The following COL11A1 variants were observed in gnomAD, a reference collection of about 807,000 sequenced individuals.
The protein encoded by COL11A1 is collagen type XI alpha 1 chain, also known as collagen alpha-1(XI) chain.
In COL11A1, 74 loss-of-function variants were observed where a neutral mutation model predicts 265.2. The ratio of observed to expected loss-of-function variants is 0.28; its 90% CI spans 0.23 to 0.34. The LOEUF is 0.34. Ranked by LOEUF, COL11A1 falls within the 10% of genes least tolerant of loss-of-function variation. The pLI is 1.00. For missense variants in COL11A1, 2,165 were observed against 2,263.6 expected (o/e 0.96, Z 0.88); for synonymous variants, 816 against 727.6 (o/e 1.12, Z -1.96).
At chr1:102,969,702 T>C (rs1215947119) in intron 37 of COL11A1, among the ~76,000 whole-genome samples, 1 of 152,346 alleles carries the variant, frequency 6.6e-6, no homozygotes, top group East Asian at 1.9e-4. Flanking sequence ...TGATTTACTT[T>C]TTCCTATTTC....
Position 102,912,211 on chromosome 1 carries a change from C to A in COL11A1, c.4034G>T (p.Gly1345Val). Reference sequence around the variant, plus strand: ...AGCCTCACCAGATGGGCCAGGAGGACCCTATAAAATGTGAAAAAATACCTT... The same window carrying A: ...AGCCTCACCAGATGGGCCAGGAGGAACCTATAAAATGTGAAAAAATACCTT... ...KGEDGDPGQP[G>V]PPGPSGEAGP... Residue 1345 changes from glycine to valine, a missense_variant and splice_region_variant, in exon 54 of 67, where the codon GGT becomes GTT. Gly to Val is a moderately radical substitution (Grantham distance 109). Coordinates refer to ENST00000370096, the MANE Select transcript of COL11A1 (RefSeq NM_001854.4). 1 of 1,607,886 alleles carries A rather than the reference C, an allele frequency of 6.2e-7. No homozygotes were observed. The highest frequency in any genetic ancestry group is 8.5e-7 in the Non-Finnish European group (1 of 1,177,684).
chr1:102,914,318 C>T lies in COL11A1; in HGVS notation c.3978+34G>A, dbSNP rs182988077. The T allele has an allele frequency of 1.7e-4, 261 of 1,539,064 alleles. 1 individual carries two copies. The African/African-American group carries it at 3.0e-3, about 18-fold the overall frequency. On this transcript the variant is annotated intron_variant, in intron 52 of 66. Transcript: ENST00000370096. The stretch of plus-strand genomic sequence containing the variant: ...ATACAGAAATTGGAAACATTCACTC[C>T]AAAATAATTTCTTGATTTTTCCCTG...
chr1:102,923,120 G>T (rs1656180367), intron 47 of COL11A1, among the ~76,000 whole-genome samples: 1 of 152,086 alleles, frequency 6.6e-6, no homozygotes, highest in African/African-American at 2.4e-5. Context: ...TGTATAAATT[G>T]CTAATTATCT....
rs777271909 is a variant in COL11A1 at position 103,108,113 on chromosome 1, G to C, written c.66C>G (p.Leu22=). 6.2e-7 allele frequency: 1 copy of C among 1,613,832 alleles called. No homozygotes were observed. The highest frequency in any genetic ancestry group is 8.5e-7 in the Non-Finnish European group (1 of 1,179,964). Residue 22 remains leucine (L), a synonymous_variant, in exon 1 of 67, where the codon CTC becomes CTG. Transcript: ENST00000370096. ...TAGCTTGGAAGAGGAAGGTCAATGC[G>C]AGGGTTGTTACGGTGAAATCCCAGA... ...RWLWDFTVTT[L]ALTFLFQARE...
intron 4 of COL11A1, among the ~76,000 whole-genome samples, chr1:103,048,621 T>A (rs1480232660): frequency 6.6e-6 from 1 of 152,208 alleles, no homozygotes; most frequent in Non-Finnish European, 1.5e-5. Context: ...TAATCTTAGT[T>A]ATTTCTTGCT....
intron 1 of COL11A1, among the ~76,000 whole-genome samples, chr1:103,091,320 T>C (rs1477899224): frequency 1.3e-5 from 2 of 152,052 alleles, no homozygotes; most frequent in African/African-American, 4.8e-5. Context: ...ATTAAGCACA[T>C]TGACTTAAAT....
rs71664959 is a variant in COL11A1 at position 103,023,086 on chromosome 1, T to C, written c.991-90A>G. 57,199 of 1,389,256 alleles carry C rather than the reference T, an allele frequency of 0.041. 1,328 individuals carry two copies. Among genetic ancestry groups the C allele is most frequent in the East Asian group, 0.06 (2,617 of 43,712 alleles). The allele number at this position is 1,389,256 out of a possible 1,614,324, so 86.1% of individuals were successfully genotyped here. ...ATTTAAATTACAATTTGATAGCGTG[T>C]GATGGGATGCGATTTTGTTACTACT... On this transcript the variant is annotated intron_variant, in intron 7 of 66. Transcript: ENST00000370096.
chr1:102,892,827 CAA>C (rs768134365), intron 57 of COL11A1, among the ~76,000 whole-genome samples: 1 of 152,088 alleles, frequency 6.6e-6, no homozygotes, highest in Non-Finnish European at 1.5e-5. Context: ...TAACAACAGA[CAA>C]AAGTTATTTT....
intron 41 of COL11A1, among the ~76,000 whole-genome samples, chr1:102,954,011 C>T (rs1660136317): frequency 6.6e-6 from 1 of 152,116 alleles, no homozygotes; most frequent in African/African-American, 2.4e-5. Context: ...TCATGAATTA[C>T]AATGACCATA....
At chr1:102,970,337 A>G in intron 36 of COL11A1, 65 bp from the exon 37 acceptor site, 2 of 1,294,468 alleles carry the variant, frequency 1.5e-6, no homozygotes, top group Non-Finnish European at 2.2e-6. Flanking sequence ...TCTAAATGTG[A>G]CATGTTAGAA....
At chr1:102,914,307 A>G (rs956044864) in intron 52 of COL11A1, 45 bp downstream of exon 52, 6 of 1,444,542 alleles carry the variant, frequency 4.2e-6, no homozygotes, top group Admixed American at 1.7e-5. Context: ...AGAAATTGGA[A>G]ACATTCACTC....
Position 103,072,639 on chromosome 1 carries a change from C to T in COL11A1, c.651+1979G>A, listed in dbSNP as rs1312431596. 2.6e-5 allele frequency among the ~76,000 whole-genome samples: 4 copies of T among 151,706 alleles called. No individual in the cohort carries two copies. The East Asian group carries it at 7.7e-4, about 29-fold the overall frequency. On this transcript the variant is annotated intron_variant, in intron 4 of 66. Transcript: ENST00000370096. ...AGATATTAACATCAGGTAGAATGAA[C>T]TAATTTTACAAAATGGTGGAAATTT...
intron 41 of COL11A1, among the ~76,000 whole-genome samples, chr1:102,954,889 T>C (rs561444104): frequency 4.1e-4 from 62 of 151,390 alleles, no homozygotes; most frequent in African/African-American, 1.4e-3. Flanking sequence ...ATGTCAAAAC[T>C]ATGAAGTACT....
chr1:102,908,322 C>T (rs1570694501), intron 54 of COL11A1, among the ~76,000 whole-genome samples: 1 of 152,090 alleles, frequency 6.6e-6, no homozygotes, highest in South Asian at 2.1e-4. Flanking sequence ...AATATTTTCT[C>T]CTAATCGGAT....
intron 42 of COL11A1, among the ~76,000 whole-genome samples, chr1:102,943,645 A>C (rs1658973100): frequency 6.6e-6 from 1 of 152,136 alleles, no homozygotes; most frequent in South Asian, 2.1e-4. Flanking sequence ...CTTATTTTAA[A>C]TGACTCCCAG....
At chr1:102,881,653 C>A in intron 65 of COL11A1, 44 bp downstream of exon 65, 2 of 1,440,138 alleles carry the variant, frequency 1.4e-6, no homozygotes, top group Non-Finnish European at 2.0e-6. Context: ...AATGTCACTT[C>A]TTGAGTTCGT....
intron 35 of COL11A1, among the ~76,000 whole-genome samples, chr1:102,975,530 TATC>T (rs1322373221): frequency 1.3e-5 from 2 of 152,108 alleles, no homozygotes; most frequent in Non-Finnish European, 2.9e-5. Context: ...AAAATTATAA[TATC>T]ATTCTTGGCT....
intron 4 of COL11A1, among the ~76,000 whole-genome samples, chr1:103,054,651 C>T (rs777267647): frequency 6.6e-6 from 1 of 152,042 alleles, no homozygotes; most frequent in Non-Finnish European, 1.5e-5. Flanking sequence ...TCTGTAATCT[C>T]AGCACTTTGG....
chr1:103,014,482 T>G (rs1666395350), intron 13 of COL11A1, 29 bp downstream of exon 13: 1 of 1,578,148 alleles, frequency 6.3e-7, no homozygotes, highest in South Asian at 1.1e-5. Context: ...TCAGTCATCT[T>G]GTGGGAATGC....
Sources: gnomAD v4.1 joint callset for allele counts (sites outside exome capture counted in the v4.1 genomes callset) on GRCh38, gnomAD v4.1.1 for gene constraint, MANE v1.5 for transcripts, NCBI Gene and HGNC (gene_info 2026-07-23, HGNC 2026-07-21) for gene names.